ZNF804B: variants seen among roughly 807,000 people sequenced by gnomAD.
ZNF804B encodes zinc finger 804B.
Under a neutral mutation model 101.4 loss-of-function variants are expected in ZNF804B, and 80 were observed. That is an observed-to-expected ratio of 0.79 (90% CI 0.66 to 0.95). The LOEUF (loss-of-function observed/expected upper bound fraction) is 0.95, where lower values mean the gene tolerates loss of function less well. ZNF804B is among the 40% of genes least tolerant of loss of function. The pLI is 0.00. For synonymous variants in ZNF804B, 622 were observed against 558.8 expected (o/e 1.11, Z -1.59); for missense variants, 1,673 against 1,561.9 (o/e 1.07, Z -1.20).
chr7:88,985,131 A>G (rs1355830667), intron 1 of ZNF804B, among the ~76,000 whole-genome samples: 3 of 151,966 alleles, frequency 2.0e-5, no homozygotes, highest in Non-Finnish European at 4.4e-5. Context: ...GAAGCCCTAT[A>G]GTCTATAGTA....
chr7:89,026,189 T>C (rs1046633289), intron 1 of ZNF804B, among the ~76,000 whole-genome samples: 3 of 152,158 alleles, frequency 2.0e-5, no homozygotes, highest in African/African-American at 4.8e-5. Flanking sequence ...GTTCTAGGCA[T>C]GAATATAACA....
chr7:88,999,566 T>G (rs1321985060), intron 1 of ZNF804B, among the ~76,000 whole-genome samples: 1 of 151,990 alleles, frequency 6.6e-6, no homozygotes, highest in Non-Finnish European at 1.5e-5. Flanking sequence ...ACACAAAAAT[T>G]AATTGTAATC....
chr7:88,895,972 T>G (rs1421512772), intron 1 of ZNF804B, among the ~76,000 whole-genome samples: 1 of 152,192 alleles, frequency 6.6e-6, no homozygotes, highest in East Asian at 1.9e-4. Flanking sequence ...TATAACTCCT[T>G]ACTGCTTATG....
intron 2 of ZNF804B, among the ~76,000 whole-genome samples, chr7:89,318,113 A>G (rs192044876): frequency 2.0e-3 from 304 of 152,260 alleles, no homozygotes; most frequent in Middle Eastern, 6.8e-3. Flanking sequence ...CTCTCTCCAC[A>G]TTTTTGTATT....
intron 1 of ZNF804B, among the ~76,000 whole-genome samples, chr7:88,806,917 G>T: frequency 6.6e-6 from 1 of 151,786 alleles, no homozygotes; most frequent in East Asian, 1.9e-4. Context: ...TTTTTATAAG[G>T]TCATTCTCCA....
At chr7:88,833,222 A>G (rs1158271074) in intron 1 of ZNF804B, among the ~76,000 whole-genome samples, 1 of 151,784 alleles carries the variant, frequency 6.6e-6, no homozygotes, top group African/African-American at 2.4e-5. Context: ...CAAGGATGAT[A>G]GGAAAAAGAG....
At position 89,222,354 on chromosome 7, in the gene ZNF804B, T is replaced by C. The variant is rs148237875; in HGVS notation, c.249+4059T>C. ...ATTAATCTCACTTCTAAATTATTGC[T>C]GAGGTCTTCAAACTGGACTCCCCAC... is the stretch of plus-strand genomic sequence containing the variant. On this transcript the variant is annotated intron_variant, in intron 2 of 3. Coordinates refer to ENST00000333190, the MANE Select transcript of ZNF804B (RefSeq NM_181646.5). Among the ~76,000 whole-genome samples, 373 of 152,034 alleles carry C rather than the reference T, an allele frequency of 2.5e-3. 2 individuals carry two copies. The highest frequency in any genetic ancestry group is 8.3e-3 in the African/African-American group (346 of 41,546).
intron 2 of ZNF804B, among the ~76,000 whole-genome samples, chr7:89,260,312 C>G (rs550014446): frequency 2.0e-5 from 3 of 151,936 alleles, no homozygotes; most frequent in African/African-American, 7.2e-5. Flanking sequence ...CTAATGCTCA[C>G]TTCTCTTCCT....
intron 1 of ZNF804B, among the ~76,000 whole-genome samples, chr7:89,103,067 T>G (rs903940602): frequency 5.0e-5 from 7 of 139,924 alleles, no homozygotes; most frequent in African/African-American, 1.9e-4. Context: ...TTTTTTTTTT[T>G]TTTTTTTTTT....
chr7:88,835,670 G>C (rs745873739), intron 1 of ZNF804B, among the ~76,000 whole-genome samples: 1 of 151,772 alleles, frequency 6.6e-6, no homozygotes, highest in Non-Finnish European at 1.5e-5. Context: ...GGGTAACTTC[G>C]ATAGTAGATA....
intron 1 of ZNF804B, among the ~76,000 whole-genome samples, chr7:89,070,546 C>G (rs73391228): frequency 6.6e-6 from 1 of 152,094 alleles, no homozygotes; most frequent in African/African-American, 2.4e-5. Flanking sequence ...GAGCTGAGAG[C>G]AAGTTAACTA....
chr7:88,760,175 G>A (rs1789873005), intron 1 of ZNF804B, 91 bp downstream of exon 1: 3 of 1,053,584 alleles, frequency 2.8e-6, no homozygotes, highest in Middle Eastern at 2.0e-4. Flanking sequence ...GATACAATGA[G>A]TAGGTGGTGG....
intron 1 of ZNF804B, among the ~76,000 whole-genome samples, chr7:88,774,180 A>G (rs565235078): frequency 3.4e-5 from 5 of 148,448 alleles, no homozygotes; most frequent in African/African-American, 9.9e-5. Flanking sequence ...AGACTTTTCA[A>G]TTTTGCTCTT....
At chr7:88,920,111 G>T (rs1238312256) in intron 1 of ZNF804B, among the ~76,000 whole-genome samples, 2 of 151,830 alleles carry the variant, frequency 1.3e-5, no homozygotes, top group African/African-American at 2.4e-5. Context: ...TGATGCACAA[G>T]GTTAAAAAAG....
intron 1 of ZNF804B, among the ~76,000 whole-genome samples, chr7:88,913,716 G>A (rs1051783655): frequency 2.6e-5 from 4 of 152,080 alleles, no homozygotes; most frequent in African/African-American, 9.7e-5. Flanking sequence ...GTATTTTTAA[G>A]CATCATATGT....
Position 89,208,391 on chromosome 7 carries a change from T to C in ZNF804B, c.109-9764T>C, listed in dbSNP as rs1467148997. ...GCCACCGCGCCTAGCCCTGTTTTAT[T>C]GGTTGTTAAGCAACTCTGCAAAACA... On this transcript the variant is annotated intron_variant, in intron 1 of 3. Coordinates refer to ENST00000333190, the MANE Select transcript of ZNF804B (RefSeq NM_181646.5). Among the ~76,000 whole-genome samples, 4 of 152,306 alleles carry C rather than the reference T, an allele frequency of 2.6e-5. No individual in the cohort carries two copies. In the East Asian group the frequency reaches 7.7e-4, roughly 29 times the overall value.
At chr7:88,887,049 AT>A (rs958392980) in intron 1 of ZNF804B, among the ~76,000 whole-genome samples, 1 of 152,156 alleles carries the variant, frequency 6.6e-6, no homozygotes, top group African/African-American at 2.4e-5. Context: ...CAAAACCACA[AT>A]GATACTGTCT....
chr7:89,007,965 G>T (rs1457985441), intron 1 of ZNF804B, among the ~76,000 whole-genome samples: 2 of 151,978 alleles, frequency 1.3e-5, no homozygotes, highest in Non-Finnish European at 2.9e-5. Flanking sequence ...CAATTTATCA[G>T]ATGTAATTTA....
At position 89,334,601 on chromosome 7, in the gene ZNF804B, T is replaced by C; in HGVS notation, c.1619T>C (p.Ile540Thr). ...CAATATCCGAAACCAAAGACGATGA[T>C]AGCTAATCCGGATTGGGAAAAATTC... ...DYQYPKPKTM[I>T]ANPDWEKFQR... is the part of the protein sequence containing the mutation. The change falls in exon 4 of 4, where the codon ATA becomes ACA. Residue 540 changes from isoleucine to threonine, a missense_variant. Ile to Thr is a moderately conservative substitution (Grantham distance 89). Coordinates refer to ENST00000333190, the MANE Select transcript of ZNF804B (RefSeq NM_181646.5). 4 of 1,613,764 alleles carry C rather than the reference T, an allele frequency of 2.5e-6. No individual in the cohort carries two copies. Among genetic ancestry groups the C allele is most frequent in the Non-Finnish European group, 3.4e-6 (4 of 1,179,834 alleles).
Sources: gnomAD v4.1 joint callset for allele counts (sites outside exome capture counted in the v4.1 genomes callset) on GRCh38, gnomAD v4.1.1 for gene constraint, MANE v1.5 for transcripts, NCBI Gene and HGNC (gene_info 2026-07-23, HGNC 2026-07-21) for gene names.